Variants in SNX29 observed in about 807,000 individuals in gnomAD.
SNX29 encodes the protein sorting nexin 29.
Under a neutral mutation model 102.1 loss-of-function variants are expected in SNX29, and 78 were observed. The observed-to-expected ratio is 0.76, with a 90% confidence interval of 0.64 to 0.92. The LOEUF (loss-of-function observed/expected upper bound fraction) is 0.92. SNX29 is among the 40% of genes least tolerant of loss of function. The pLI, the probability that SNX29 is intolerant of heterozygous loss-of-function variation, is 0.00. For synonymous variants in SNX29, 580 were observed against 414.5 expected, an observed-to-expected ratio of 1.40 and a Z score of -4.85; for missense variants, 1,280 against 1,061.7, an observed-to-expected ratio of 1.21 and a Z score of -2.86.
chr16:12,566,685 C>G (rs1454746547), intron 20 of SNX29, among the ~76,000 whole-genome samples: 2 of 83,836 alleles, frequency 2.4e-5, no homozygotes, highest in East Asian at 2.9e-4. Flanking sequence ...GATAAAGAGG[C>G]TCTTCGTAAG....
intron 20 of SNX29, among the ~76,000 whole-genome samples, chr16:12,553,148 G>C (rs1001341278): frequency 1.5e-4 from 23 of 152,176 alleles, no homozygotes; most frequent in African/African-American, 4.6e-4. Context: ...CACAGCTCTG[G>C]GGTCCTTCCT....
intron 16 of SNX29, among the ~76,000 whole-genome samples, chr16:12,366,181 T>C (rs960195265): frequency 1.3e-5 from 2 of 152,092 alleles, no homozygotes; most frequent in Non-Finnish European, 2.9e-5. Context: ...TAGAGATAGT[T>C]TGATAGTCTT....
At chr16:12,132,344 C>T (rs1269648658) in intron 13 of SNX29, among the ~76,000 whole-genome samples, 5 of 152,208 alleles carry the variant, frequency 3.3e-5, no homozygotes, top group Non-Finnish European at 7.3e-5. Context: ...AGGTGATCCT[C>T]CTGCCTCAGC....
Position 12,572,475 on chromosome 16 carries a change from C to T in SNX29, c.*3846C>T. On this transcript the variant is annotated 3_prime_UTR_variant, in exon 21 of 21. Transcript: ENST00000566228. ...TGGTACATTTTGCCAACCCTGAGGA[C>T]CAGTTCTTGGGGTTCCAGGCCTCGG... 2.8e-6 allele frequency: 3 copies of T among 1,063,810 alleles called. No homozygotes were observed. The highest frequency in any genetic ancestry group is 9.1e-5 in the South Asian group (2 of 21,976). The allele number at this position is 1,063,810 out of a possible 1,614,324, so 65.9% of individuals were successfully genotyped here. A position where few individuals can be genotyped will look rare whatever the true frequency, so the allele number is the denominator to read the frequency against.
chr16:12,147,236 G>A (rs180717206), intron 13 of SNX29, among the ~76,000 whole-genome samples: 8 of 152,360 alleles, frequency 5.3e-5, no homozygotes, highest in East Asian at 3.9e-4. Context: ...AGTTCATCAA[G>A]ATGTGAAAAA....
At chr16:12,242,097 G>A (rs573766761) in intron 14 of SNX29, among the ~76,000 whole-genome samples, 50 of 152,160 alleles carry the variant, frequency 3.3e-4, no homozygotes, top group African/African-American at 1.1e-3. Context: ...AGTGGAATGT[G>A]AGAGCTGGGG....
rs1052849365 is a variant in SNX29 at position 12,141,014 on chromosome 16, G to T, written c.1595+11256G>T. ...ACAAAATAGATTTCAGTACATATTG[G>T]TCTGGCGCAACTGTGCTAGAAAACA... On this transcript the variant is annotated intron_variant, in intron 13 of 20. Coordinates refer to ENST00000566228, the MANE Select transcript of SNX29 (RefSeq NM_032167.5). 7.9e-5 allele frequency among the ~76,000 whole-genome samples: 12 copies of T among 152,326 alleles called. 1 individual carries two copies. Among genetic ancestry groups the T allele is most frequent in the Admixed American group, 7.2e-4 (11 of 15,296 alleles).
chr16:12,319,829 G>C (rs566459837), intron 15 of SNX29, among the ~76,000 whole-genome samples: 22 of 152,170 alleles, frequency 1.4e-4, no homozygotes, highest in Non-Finnish European at 3.2e-4. Flanking sequence ...AAAGCAGGAA[G>C]GGGGAGGGAT....
At chr16:12,266,729 C>T (rs2078940172) in intron 14 of SNX29, among the ~76,000 whole-genome samples, 2 of 143,080 alleles carry the variant, frequency 1.4e-5, no homozygotes, top group Non-Finnish European at 3.0e-5. Context: ...CAACGTGGTT[C>T]TTGGTCTTGT....
intron 14 of SNX29, among the ~76,000 whole-genome samples, chr16:12,222,611 C>G (rs1032022402): frequency 5.3e-5 from 8 of 152,142 alleles, no homozygotes; most frequent in African/African-American, 1.7e-4. Flanking sequence ...CTCTGTCACC[C>G]AGGCTGGAGT....
intron 18 of SNX29, among the ~76,000 whole-genome samples, chr16:12,446,607 T>C (rs1375729530): frequency 6.6e-6 from 1 of 152,174 alleles, no homozygotes; most frequent in Non-Finnish European, 1.5e-5. Flanking sequence ...GATGTTTTAG[T>C]TGGAAAGAGT....
At chr16:12,379,701 A>G (rs184132724) in intron 16 of SNX29, among the ~76,000 whole-genome samples, 1 of 152,340 alleles carries the variant, frequency 6.6e-6, no homozygotes, top group African/African-American at 2.4e-5. Context: ...TATTGACAGA[A>G]GAGATGAGAA....
intron 18 of SNX29, among the ~76,000 whole-genome samples, chr16:12,454,006 G>A (rs774336185): frequency 6.6e-6 from 1 of 152,060 alleles, no homozygotes; most frequent in Admixed American, 6.6e-5. Context: ...TGGGCATTAT[G>A]CCCACATAGA....
chr16:12,072,105 G>A (rs904157909), intron 10 of SNX29, among the ~76,000 whole-genome samples: 5 of 152,228 alleles, frequency 3.3e-5, no homozygotes, highest in South Asian at 2.1e-4. Context: ...CAGTCACATC[G>A]TCTGCAAACA....
intron 9 of SNX29, among the ~76,000 whole-genome samples, chr16:12,067,461 A>T (rs552600756): frequency 2.0e-5 from 3 of 152,222 alleles, no homozygotes; most frequent in African/African-American, 7.2e-5. Flanking sequence ...GGCTGGTTCC[A>T]TAGTGGTCAT....
rs769476420 is a variant in SNX29, at chr16:12,052,037, T to A, written c.939T>A (p.Pro313=). Residue 313 remains proline (P), a synonymous_variant, in exon 8 of 21, where the codon CCT becomes CCA. Transcript: ENST00000566228. ...CCGCCTTTGAAAGCCCCTTCGGGCC[T>A]AACTCCAATGGAAGTCAGAGCAGCA... ...IMSAFESPFG[P]NSNGSQSSNS... 3 of 1,613,984 alleles carry A rather than the reference T, an allele frequency of 1.9e-6. No homozygotes were observed. Among genetic ancestry groups the A allele is most frequent in the African/African-American group, 2.7e-5 (2 of 75,044 alleles).
intron 3 of SNX29, among the ~76,000 whole-genome samples, chr16:12,016,514 G>A (rs1289432829): frequency 6.6e-6 from 1 of 152,130 alleles, no homozygotes; most frequent in East Asian, 1.9e-4. Flanking sequence ...TAGAGCGGCT[G>A]TACCATTTTG....
intron 11 of SNX29, among the ~76,000 whole-genome samples, chr16:12,097,539 A>G (rs1313095330): frequency 3.5e-5 from 3 of 85,066 alleles, no homozygotes; most frequent in Admixed American, 1.1e-4. Flanking sequence ...TGGGCCACAC[A>G]TGATTTTTTT....
intron 18 of SNX29, among the ~76,000 whole-genome samples, chr16:12,406,314 A>T (rs1461553778): frequency 6.6e-6 from 1 of 152,258 alleles, no homozygotes; most frequent in Non-Finnish European, 1.5e-5. Context: ...TAATGATAAG[A>T]AAATATGTTA....
Sources: allele counts gnomAD v4.1 joint callset (sites outside exome capture counted in the v4.1 genomes callset), GRCh38; gene constraint gnomAD v4.1.1; transcripts MANE v1.5; gene names NCBI Gene and HGNC (gene_info 2026-07-23, HGNC 2026-07-21).